Variants in ZBTB7A observed in about 807,000 individuals in gnomAD.
ZBTB7A encodes the protein zinc finger and BTB domain containing 7A, also known as zinc finger and BTB domain-containing protein 7A.
In ZBTB7A, 7 loss-of-function variants were observed where a neutral mutation model predicts 26.7. That is an observed-to-expected ratio of 0.26 (90% confidence interval 0.15 to 0.49). The LOEUF is 0.49. ZBTB7A is among the 20% of genes least tolerant of loss of function. The probability of loss-of-function intolerance (pLI) is 0.98; values close to 1 mark genes in which losing one functional copy is unlikely to be tolerated. For missense variants in ZBTB7A, 617 were observed against 919.5 expected, an observed-to-expected ratio of 0.67 and a Z score of 4.25; for synonymous variants, 452 against 441.0, an observed-to-expected ratio of 1.02 and a Z score of -0.31.
chr19:4,054,354 A>G lies in ZBTB7A; in HGVS notation c.879T>C (p.Ser293=). The part of the protein sequence containing the change: ...LSEAAPEPGD[S]PGFLSGAAEG... ...CGGCCGCTCCCGACAGGAAGCCCGG[A>G]GAGTCGCCCGGCTCGGGGGCCGCCT... The change falls in exon 2 of 3, where the codon TCT becomes TCC. Residue 293 remains serine (S), a synonymous_variant. Transcript: ENST00000322357. 6.8e-7 allele frequency: 1 copy of G among 1,480,490 alleles called. No homozygotes were observed. The highest frequency in any genetic ancestry group is 8.9e-7 in the Non-Finnish European group (1 of 1,125,528). The allele number at this position is 1,480,490 out of a possible 1,614,324, so 91.7% of individuals were successfully genotyped here.
rs1599253121 is a variant in ZBTB7A at position 4,052,874 on chromosome 19, T to C, written c.1262+1097A>G. Among the ~76,000 whole-genome samples the C allele has an allele frequency of 6.6e-6, 1 of 152,180 alleles. No individual in the cohort carries two copies. The highest frequency in any genetic ancestry group is 1.9e-4 in the East Asian group (1 of 5,190). Reference sequence around the variant, plus strand: ...GGCCTCAGGGCCTCTGCACTGGCTGTTCCCTCTGCCTGGAACGCCCTTTCC... The same window carrying C: ...GGCCTCAGGGCCTCTGCACTGGCTGCTCCCTCTGCCTGGAACGCCCTTTCC... On this transcript the variant is annotated intron_variant, in intron 2 of 2. Transcript: ENST00000322357. This position sits in a 1 kb window ranked among gnomAD's most constrained non-coding sequence, Gnocchi z 4.9.
chr19:4,051,317 G>A (rs2040502506), intron 2 of ZBTB7A, among the ~76,000 whole-genome samples: 1 of 152,002 alleles, frequency 6.6e-6, no homozygotes, highest in African/African-American at 2.4e-5. Context: ...ACACTCAATA[G>A]ACTGAAGACT....
chr19:4,052,268 C>A lies in ZBTB7A; in HGVS notation c.1262+1703G>T, dbSNP rs191476194. Among the ~76,000 whole-genome samples the A allele has an allele frequency of 1.4e-3, 215 of 152,270 alleles. 1 individual carries two copies. The highest frequency in any genetic ancestry group is 3.8e-3 in the African/African-American group (158 of 41,558). On this transcript the variant is annotated intron_variant, in intron 2 of 2. Transcript: ENST00000322357. The surrounding 1 kb of genome is among the most constrained non-coding windows in gnomAD (Gnocchi z 4.9). ...CTCAGCCTGGTCCCCTCTGCAGACCCCAGTTCTCTGCACCCCACCAAGCTG... is the reference window on the plus strand; with the variant it reads ...CTCAGCCTGGTCCCCTCTGCAGACCACAGTTCTCTGCACCCCACCAAGCTG...
chr19:4,054,409 C>T lies in ZBTB7A; in HGVS notation c.824G>A (p.Gly275Asp). Residue 275 changes from glycine to aspartate, a missense_variant, in exon 2 of 3, where the codon GGC becomes GAC. This residue lies in a region of ZBTB7A where 331 missense variants were observed against 391.3 expected (regional missense o/e 0.85). Transcript: ENST00000322357. ...AATQNGHYGR[G>D]GEEEAASLSE... ...CAGCGAGGCGGCCTCCTCCTCTCCG[C>T]CGCGGCCGTAGTGGCCGTTCTGCGT... The T allele has an allele frequency of 7.2e-7, 1 of 1,384,618 alleles. No individual in the cohort carries two copies. Among genetic ancestry groups the T allele is most frequent in the Non-Finnish European group, 9.3e-7 (1 of 1,080,548 alleles). The allele number at this position is 1,384,618 out of a possible 1,614,324, so 85.8% of individuals were successfully genotyped here.
chr19:4,053,015 G>A (rs7245642), intron 2 of ZBTB7A, among the ~76,000 whole-genome samples: 99,811 of 152,090 alleles, frequency 0.66, 34,369 homozygotes, highest in East Asian at 0.95. Context: ...AATGACCCAG[G>A]CTCACGGGAA....
rs184606129 is a variant in ZBTB7A, at chr19:4,054,540, C to A, written c.693G>T (p.Thr231=). The change falls in exon 2 of 3, where the codon ACG becomes ACT. Residue 231 remains threonine, a synonymous_variant. Transcript: ENST00000322357. ...TGCTGTCGCCCTCGTCCCCGTCCCC[C>A]GTCGGGGGCCGCTCGGCCGGGGGGC... ...GPGPPAERPP[T]GDGDEGDSNP... is the part of the protein sequence containing the mutation. 1.0e-3 allele frequency: 1,491 copies of A among 1,450,530 alleles called. 18 individuals carry two copies. In the African/African-American group the frequency reaches 0.02, roughly 19 times the overall value. 89.9% of individuals were successfully genotyped at this position (1,450,530 alleles called of 1,614,324 possible). A position where few individuals can be genotyped will look rare whatever the true frequency, so the allele number is the denominator to read the frequency against.
At chr19:4,066,428 G>A (rs1385657419) in intron 1 of ZBTB7A, among the ~76,000 whole-genome samples, 3 of 150,708 alleles carry the variant, frequency 2.0e-5, no homozygotes, top group African/African-American at 7.3e-5. Flanking sequence ...ACCCGGGTTG[G>A]GGGGGGCTGG....
intron 2 of ZBTB7A, among the ~76,000 whole-genome samples, chr19:4,050,625 G>T (rs1156342746): frequency 6.6e-6 from 1 of 152,130 alleles, no homozygotes; most frequent in East Asian, 1.9e-4. Flanking sequence ...AGTGCAAAAG[G>T]TACCCCAGCT....
chr19:4,055,119 G>T lies in ZBTB7A; in HGVS notation c.114C>A (p.Ile38=). ...RTQGLLCDVV[I]LVEGREFPTH... Reference sequence around the variant, plus strand: ...TGGGGAACTCGCGGCCCTCCACCAGGATCACCACGTCGCACAGCAGGCCCT... The same window carrying T: ...TGGGGAACTCGCGGCCCTCCACCAGTATCACCACGTCGCACAGCAGGCCCT... The change falls in exon 2 of 3, where the codon ATC becomes ATA. Residue 38 remains isoleucine, a synonymous_variant. Coordinates refer to ENST00000322357, the MANE Select transcript of ZBTB7A (RefSeq NM_015898.4). 6.2e-7 allele frequency: 1 copy of T among 1,609,622 alleles called. No individual in the cohort carries two copies.
At position 4,046,226 on chromosome 19, in the gene ZBTB7A, T is replaced by C; in HGVS notation, c.*1526A>G. ...CACAGTCCTGCCTTCGAGGCTGACG[T>C]CTGGGGGTGAAGCACAAACACCTCG... On this transcript the variant is annotated 3_prime_UTR_variant, in exon 3 of 3. Transcript: ENST00000322357. 1 of 396,614 alleles carries C rather than the reference T, an allele frequency of 2.5e-6. No individual in the cohort carries two copies. The highest frequency in any genetic ancestry group is 4.4e-6 in the Non-Finnish European group (1 of 225,146). 24.6% of individuals were successfully genotyped at this position (396,614 alleles called of 1,614,324 possible).
Position 4,047,393 on chromosome 19 carries a change from C to G in ZBTB7A, c.*359G>C. ...CCCAGCCCAGGGCCTCGGATCGGGC[C>G]CCAGGCCCCATGCCGGGTGCCCAGG... On this transcript the variant is annotated 3_prime_UTR_variant, in exon 3 of 3. Transcript: ENST00000322357. 1 of 153,976 alleles carries G rather than the reference C, an allele frequency of 6.5e-6. No individual in the cohort carries two copies. 9.5% of individuals were successfully genotyped at this position (153,976 alleles called of 1,614,324 possible). A position where few individuals can be genotyped will look rare whatever the true frequency, so the allele number is the denominator to read the frequency against.
intron 1 of ZBTB7A, chr19:4,055,585 G>T: frequency 2.0e-6 from 1 of 503,610 alleles, no homozygotes; most frequent in Non-Finnish European, 2.6e-6. Flanking sequence ...CACTTTGGGA[G>T]GCCGAGACAG....
intron 2 of ZBTB7A, among the ~76,000 whole-genome samples, chr19:4,049,718 C>G (rs2040476958): frequency 6.6e-6 from 1 of 152,164 alleles, no homozygotes; most frequent in Non-Finnish European, 1.5e-5. Context: ...ACTCTCCCCT[C>G]ACTTCAGCGT....
chr19:4,048,822 T>C lies in ZBTB7A; in HGVS notation c.1263-578A>G, dbSNP rs1344594570. ...GAAACTCCGTCTCAAAAAAAAAAAT[T>C]TCACTTTTTAAGAGCGAAACTCCGT... is the stretch of plus-strand genomic sequence containing the variant. On this transcript the variant is annotated intron_variant, in intron 2 of 2. Coordinates refer to ENST00000322357, the MANE Select transcript of ZBTB7A (RefSeq NM_015898.4). This position sits in a 1 kb window ranked among gnomAD's most constrained non-coding sequence, Gnocchi z 6.7. 6.6e-6 allele frequency among the ~76,000 whole-genome samples: 1 copy of C among 151,020 alleles called. No individual in the cohort carries two copies. Among genetic ancestry groups the C allele is most frequent in the East Asian group, 2.0e-4 (1 of 5,102 alleles).
chr19:4,054,209 G>A lies in ZBTB7A; in HGVS notation c.1024C>T (p.Arg342Trp), dbSNP rs2040542019. 1 of 1,587,886 alleles carries A rather than the reference G, an allele frequency of 6.3e-7. No homozygotes were observed. The highest frequency in any genetic ancestry group is 8.5e-7 in the Non-Finnish European group (1 of 1,172,894). ...TCCATGACGCCCTTGTCGTCGGCCC[G>A]CGACTCCTCGTCGCTGTCCCCCGCC... Reference protein sequence around the residue: ...AAAGDSDEESRADDKGVMDYY... With the variant: ...AAAGDSDEESWADDKGVMDYY... The change falls in exon 2 of 3, where the codon CGG (arginine) becomes TGG (tryptophan). Residue 342 changes from arginine (R) to tryptophan (W), a missense_variant. By Grantham distance (101) the Arg-to-Trp change is moderately radical. Around this residue, in one of 5 missense-constraint regions of ZBTB7A, gnomAD observed 331 missense variants for 391.3 expected, o/e 0.85. Transcript: ENST00000322357.
chr19:4,046,004 TGC>T lies in ZBTB7A; in HGVS notation c.*1746_*1747del. The T allele has an allele frequency of 2.5e-6, 1 of 398,142 alleles. No individual in the cohort carries two copies. Among genetic ancestry groups the T allele is most frequent in the Non-Finnish European group, 4.4e-6 (1 of 225,860 alleles). 24.7% of individuals were successfully genotyped at this position (398,142 alleles called of 1,614,324 possible). A position where few individuals can be genotyped will look rare whatever the true frequency, so the allele number is the denominator to read the frequency against. On this transcript the variant is annotated 3_prime_UTR_variant, in exon 3 of 3. Coordinates refer to ENST00000322357, the MANE Select transcript of ZBTB7A (RefSeq NM_015898.4). ...CCAAGGTCCAGCTCCTTGGTGGCCATGCGGGAGGGACAGGCGTGTTGGGGGAT... is the reference window on the plus strand; with the variant it reads ...CCAAGGTCCAGCTCCTTGGTGGCCATGGGAGGGACAGGCGTGTTGGGGGAT...
In ZBTB7A at chr19:4,047,748, G is replaced by T. The variant is rs1473458809; in HGVS notation, c.*4C>A. On this transcript the variant is annotated 3_prime_UTR_variant, in exon 3 of 3. Transcript: ENST00000322357. ...CTCGGGTTTCTGTTTTCTCTTTTTG[G>T]TTTTTAGGCGAGTCCGGCTGTGAAG... is the stretch of plus-strand genomic sequence containing the variant. 5 of 1,591,478 alleles carry T rather than the reference G, an allele frequency of 3.1e-6. No homozygotes were observed. The highest frequency in any genetic ancestry group is 1.1e-5 in the South Asian group (1 of 88,222).
chr19:4,057,750 T>C (rs1599259151), intron 1 of ZBTB7A, among the ~76,000 whole-genome samples: 1 of 134,970 alleles, frequency 7.4e-6, no homozygotes, highest in Non-Finnish European at 1.5e-5. Context: ...GCCACAGCAC[T>C]CCAGTCTGGT....
rs1411027302 is a variant in ZBTB7A at position 4,054,457 on chromosome 19, G to A, written c.776C>T (p.Pro259Leu). 2.9e-6 allele frequency: 4 copies of A among 1,359,110 alleles called. No individual in the cohort carries two copies. Among genetic ancestry groups the A allele is most frequent in the Non-Finnish European group, 3.8e-6 (4 of 1,063,334 alleles). 84.2% of individuals were successfully genotyped at this position (1,359,110 alleles called of 1,614,324 possible). A position where few individuals can be genotyped will look rare whatever the true frequency, so the allele number is the denominator to read the frequency against. The part of the protein sequence containing the change: ...EDAPTGGLFP[P>L]PVAPPAATQN... Reference sequence around the variant, plus strand: ...CGTGGCGGCCGGCGGGGCCACCGGCGGCGGAAAGAGACCCCCGGTGGGGGC... The same window carrying A: ...CGTGGCGGCCGGCGGGGCCACCGGCAGCGGAAAGAGACCCCCGGTGGGGGC... Residue 259 changes from proline to leucine, a missense_variant, in exon 2 of 3, where the codon CCG becomes CTG. Around this residue, in one of 5 missense-constraint regions of ZBTB7A, gnomAD observed 331 missense variants for 391.3 expected, o/e 0.85. Transcript: ENST00000322357.
Sources: gnomAD v4.1 joint callset for allele counts (sites outside exome capture counted in the v4.1 genomes callset) on GRCh38, gnomAD v4.1.1 for gene constraint, gnomAD v4.1.1 regional missense constraint, Gnocchi (gnomAD v3.1) non-coding constraint, MANE v1.5 for transcripts, NCBI Gene and HGNC (gene_info 2026-07-23, HGNC 2026-07-21) for gene names.